The following ERBB4 variants were observed in gnomAD, a reference collection of about 807,000 sequenced individuals.
The protein encoded by ERBB4 is erb-b2 receptor tyrosine kinase 4, also known as receptor tyrosine-protein kinase erbB-4.
ERBB4 carries 42 observed loss-of-function variants against 158.0 expected under a neutral mutation model. The ratio of observed to expected loss-of-function variants is 0.27; its 90% CI spans 0.21 to 0.34. The LOEUF (loss-of-function observed/expected upper bound fraction) is 0.34, where lower values mean the gene tolerates loss of function less well. Among genes scored for constraint, ERBB4 ranks in the 10% least tolerant of loss-of-function variants. The probability of loss-of-function intolerance (pLI) is 1.00; values close to 1 mark genes in which losing one functional copy is unlikely to be tolerated. For missense variants in ERBB4, 1,333 were observed against 1,624.1 expected (o/e 0.82, Z 3.08); for synonymous variants, 583 against 558.7 (o/e 1.04, Z -0.61).
chr2:211,832,112 A>C (rs1275685620), intron 3 of ERBB4, among the ~76,000 whole-genome samples: 1 of 152,154 alleles, frequency 6.6e-6, no homozygotes, highest in South Asian at 2.1e-4. Context: ...CCTGAATATA[A>C]AAATTCATAT....
intron 1 of ERBB4, among the ~76,000 whole-genome samples, chr2:212,260,082 A>G (rs1218046635): frequency 1.7e-5 from 2 of 117,682 alleles, no homozygotes; most frequent in Non-Finnish European, 3.4e-5. Flanking sequence ...AAAAAAAAAA[A>G]AAAGAAAAGA....
At chr2:211,583,364 G>A (rs553203199) in intron 19 of ERBB4, among the ~76,000 whole-genome samples, 2 of 151,926 alleles carry the variant, frequency 1.3e-5, no homozygotes, top group Non-Finnish European at 2.9e-5. Flanking sequence ...CCACTGGGTG[G>A]TAAAAAAGTT....
At chr2:212,467,393 A>G (rs377075218) in intron 1 of ERBB4, among the ~76,000 whole-genome samples, 12 of 152,176 alleles carry the variant, frequency 7.9e-5, no homozygotes, top group Admixed American at 5.2e-4. Flanking sequence ...CAGAGTCCCT[A>G]TGCTGTGTAC....
chr2:211,603,856 T>C (rs2068883639), intron 19 of ERBB4, among the ~76,000 whole-genome samples: 1 of 152,216 alleles, frequency 6.6e-6, no homozygotes, highest in African/African-American at 2.4e-5. Context: ...CTATAGATGC[T>C]TACAGTGTTA....
At chr2:211,979,107 T>C (rs1176078148) in intron 2 of ERBB4, among the ~76,000 whole-genome samples, 2 of 152,106 alleles carry the variant, frequency 1.3e-5, no homozygotes, top group Non-Finnish European at 2.9e-5. Flanking sequence ...TCCTTAACAC[T>C]ACCACGGAAA....
chr2:212,255,999 T>TA (rs1226694903), intron 1 of ERBB4, among the ~76,000 whole-genome samples: 2 of 50,704 alleles, frequency 3.9e-5, no homozygotes, highest in Admixed American at 2.6e-4. Context: ...TTTTATTTAT[T>TA]TATTTTTTTT....
chr2:211,669,629 C>T (rs970395282), intron 14 of ERBB4, among the ~76,000 whole-genome samples: 14 of 152,032 alleles, frequency 9.2e-5, no homozygotes, highest in Admixed American at 8.5e-4. Context: ...AGGACATAAG[C>T]GCAAAGGCCT....
intron 2 of ERBB4, among the ~76,000 whole-genome samples, chr2:212,008,251 G>A (rs1454588331): frequency 6.6e-6 from 1 of 151,888 alleles, no homozygotes; most frequent in East Asian, 1.9e-4. Flanking sequence ...GATACATCTC[G>A]AGTTTAAGAG....
rs953105348 is a variant in ERBB4, at chr2:211,582,702, T to A, written c.2302-20614A>T. Among the ~76,000 whole-genome samples the A allele has an allele frequency of 1.4e-4, 21 of 152,162 alleles. 1 individual carries two copies. Among genetic ancestry groups the A allele is most frequent in the African/African-American group, 3.6e-4 (15 of 41,458 alleles). ...TCTACAAATGGTATGAAAAACCCAC[T>A]CATAAAAAATAAATTCTTCATCTTT... On this transcript the variant is annotated intron_variant, in intron 19 of 27. Coordinates refer to ENST00000342788, the MANE Select transcript of ERBB4 (RefSeq NM_005235.3).
intron 3 of ERBB4, among the ~76,000 whole-genome samples, chr2:211,809,339 G>A (rs186503503): frequency 6.6e-6 from 1 of 152,060 alleles, no homozygotes; most frequent in Middle Eastern, 3.2e-3. Context: ...TTGGTTGGTA[G>A]GCTATTAATT....
chr2:212,497,074 A>C (rs555011649), intron 1 of ERBB4, among the ~76,000 whole-genome samples: 1 of 151,644 alleles, frequency 6.6e-6, no homozygotes, highest in South Asian at 2.1e-4. Context: ...GCTACTCGGA[A>C]GGCTGAGGCA....
rs145773646 is a variant in ERBB4 at position 212,174,441 on chromosome 2, A to C, written c.83-49538T>G. Among the ~76,000 whole-genome samples, 276 of 152,204 alleles carry C rather than the reference A, an allele frequency of 1.8e-3. 2 individuals are homozygous for C. The highest frequency in any genetic ancestry group is 6.3e-3 in the African/African-American group (260 of 41,548). Reference sequence around the variant, plus strand: ...TATTTCAGAATAGCATCAAACTTCTAAGGACCAATTTATATGAAATGTGAC... The same window carrying C: ...TATTTCAGAATAGCATCAAACTTCTCAGGACCAATTTATATGAAATGTGAC... On this transcript the variant is annotated intron_variant, in intron 1 of 27. Transcript: ENST00000342788.
intron 1 of ERBB4, among the ~76,000 whole-genome samples, chr2:212,476,344 A>G (rs1464683989): frequency 6.6e-6 from 1 of 152,182 alleles, no homozygotes; most frequent in Non-Finnish European, 1.5e-5. Flanking sequence ...CCTAGCAGAT[A>G]GTAGGTGTCA....
intron 1 of ERBB4, among the ~76,000 whole-genome samples, chr2:212,250,769 A>G (rs1031949193): frequency 1.3e-5 from 2 of 151,494 alleles, no homozygotes; most frequent in East Asian, 1.9e-4. Context: ...TTAGTCAAAA[A>G]TAAATAAATA....
intron 19 of ERBB4, among the ~76,000 whole-genome samples, chr2:211,570,186 C>G (rs2067673350): frequency 6.6e-6 from 1 of 152,110 alleles, no homozygotes; most frequent in Admixed American, 6.6e-5. Context: ...GAGTCTCACT[C>G]TATTGCCCAG....
intron 1 of ERBB4, among the ~76,000 whole-genome samples, chr2:212,177,767 A>G (rs1295455577): frequency 1.3e-5 from 2 of 151,960 alleles, no homozygotes; most frequent in African/African-American, 4.8e-5. Flanking sequence ...GGAAAGACGG[A>G]TCCATATTAG....
At chr2:212,124,935 C>G (rs754306833) in intron 1 of ERBB4, 32 bp from the exon 2 acceptor site, 2 of 1,612,494 alleles carry the variant, frequency 1.2e-6, no homozygotes, top group Non-Finnish European at 1.7e-6. Flanking sequence ...CGTGAAATTA[C>G]ATAACCTTTA....
chr2:212,448,079 A>C (rs1420560261), intron 1 of ERBB4, among the ~76,000 whole-genome samples: 1 of 152,090 alleles, frequency 6.6e-6, no homozygotes, highest in Non-Finnish European at 1.5e-5. Flanking sequence ...CTTTTTCAAA[A>C]TATTCCATAA....
chr2:211,790,538 A>G (rs1301680674), intron 3 of ERBB4, among the ~76,000 whole-genome samples: 2 of 152,032 alleles, frequency 1.3e-5, no homozygotes, highest in African/African-American at 4.8e-5. Context: ...GAATGTTGAC[A>G]TTTGTTTCTT....
Sources: allele counts gnomAD v4.1 joint callset (sites outside exome capture counted in the v4.1 genomes callset), GRCh38; gene constraint gnomAD v4.1.1; transcripts MANE v1.5; gene names NCBI Gene and HGNC (gene_info 2026-07-23, HGNC 2026-07-21).